AFF1: variants seen among roughly 807,000 people sequenced by gnomAD.
AFF1 encodes AF4/FMR2 family member 1.
A neutral mutation model predicts 121.7 loss-of-function variants in AFF1; 48 were observed. That is an observed-to-expected ratio of 0.39 (90% CI 0.31 to 0.50). AFF1 has a LOEUF of 0.50. AFF1 is among the 20% of genes least tolerant of loss of function. The pLI, the probability that AFF1 is intolerant of heterozygous loss-of-function variation, is 0.76. For missense variants in AFF1, 1,523 were observed against 1,511.7 expected (o/e 1.01, Z -0.12); for synonymous variants, 613 against 563.0 (o/e 1.09, Z -1.26).
At chr4:87,091,736 CTT>C (rs1560616106) in intron 6 of AFF1, 55 bp from the exon 7 acceptor site, 1 of 1,199,770 alleles carries the variant, frequency 8.3e-7, no homozygotes, top group East Asian at 2.6e-5. Flanking sequence ...ACGGTTTTCT[CTT>C]TAACTTTATA....
At chr4:87,070,941 A>G (rs917998652) in intron 4 of AFF1, among the ~76,000 whole-genome samples, 4 of 152,242 alleles carry the variant, frequency 2.6e-5, no homozygotes, top group Non-Finnish European at 5.9e-5. Context: ...GTTTAAGGTT[A>G]GCTATAGTGA....
At chr4:87,127,793 A>C in intron 16 of AFF1, 90 bp downstream of exon 16, 1 of 1,327,554 alleles carries the variant, frequency 7.5e-7, no homozygotes, top group Non-Finnish European at 1.1e-6. Flanking sequence ...ATTCCATATC[A>C]CTCAGCGTAT....
intron 2 of AFF1, among the ~76,000 whole-genome samples, chr4:87,006,097 A>G (rs544468099): frequency 6.6e-6 from 1 of 152,322 alleles, no homozygotes; most frequent in Admixed American, 6.5e-5. Flanking sequence ...GCCAGGCATT[A>G]ACATGTTTGT....
At chr4:86,953,438 T>A (rs952558961) in intron 2 of AFF1, among the ~76,000 whole-genome samples, 1 of 152,256 alleles carries the variant, frequency 6.6e-6, no homozygotes, top group African/African-American at 2.4e-5. Flanking sequence ...AATTGAAGTC[T>A]GAACGTGAAC....
At chr4:87,101,387 A>G (rs1485383986) in intron 8 of AFF1, among the ~76,000 whole-genome samples, 1 of 152,178 alleles carries the variant, frequency 6.6e-6, no homozygotes, top group Admixed American at 6.5e-5. Flanking sequence ...CAGCCTGTGC[A>G]TATAGTAAGA....
rs558218315 is a variant in AFF1, at chr4:87,047,561, C to T, written c.1026C>T (p.Leu342=). ...TDLKVPAKAK[L]TKLKMPSQSV... Reference sequence around the variant, plus strand: ...TGAAAGTGCCTGCCAAAGCCAAGCTCACCAAACTGAAGATGCCTTCTCAGT... The same window carrying T: ...TGAAAGTGCCTGCCAAAGCCAAGCTTACCAAACTGAAGATGCCTTCTCAGT... The change falls in exon 4 of 21, where the codon CTC becomes CTT. Residue 342 remains leucine (L), a synonymous_variant. Transcript: ENST00000395146. The T allele has an allele frequency of 6.8e-6, 11 of 1,614,186 alleles. No homozygotes were observed. The highest frequency in any genetic ancestry group is 9.3e-6 in the Non-Finnish European group (11 of 1,180,040).
intron 2 of AFF1, among the ~76,000 whole-genome samples, chr4:87,033,874 T>G (rs1240455495): frequency 6.6e-6 from 1 of 152,210 alleles, no homozygotes; most frequent in East Asian, 1.9e-4. Context: ...TGGATCTGTA[T>G]GTAGAGTTAG....
chr4:87,048,622 A>G (rs988855048), intron 4 of AFF1, among the ~76,000 whole-genome samples: 3 of 152,104 alleles, frequency 2.0e-5, no homozygotes, highest in African/African-American at 7.2e-5. Context: ...GAAATTCCTC[A>G]GGTGGGGGCG....
intron 20 of AFF1, among the ~76,000 whole-genome samples, 191 bp from the exon 21 acceptor site, chr4:87,135,389 A>G (rs1160533694): frequency 1.3e-5 from 2 of 152,216 alleles, no homozygotes; most frequent in African/African-American, 4.8e-5. Flanking sequence ...ATTCAGCTCT[A>G]AAGCAAACCT....
In AFF1 at chr4:87,140,343, TTGTGTGTG is replaced by T. The variant is rs562150754; in HGVS notation, c.*4646_*4653del. 7.1e-5 allele frequency: 14 copies of T among 198,472 alleles called. No homozygotes were observed. The highest frequency in any genetic ancestry group is 4.2e-4 in the Admixed American group (7 of 16,512). The allele number at this position is 198,472 out of a possible 1,614,324, so 12.3% of individuals were successfully genotyped here. ...CAAGTATACACTGTTCATGTTGGGG[TTGTGTGTG>T]TGTATGTGTGTATGTACGCACGCAT... On this transcript the variant is annotated 3_prime_UTR_variant, in exon 21 of 21. Coordinates refer to ENST00000395146, the MANE Select transcript of AFF1 (RefSeq NM_001166693.3).
intron 2 of AFF1, chr4:86,950,069 A>G (rs1422403635): frequency 1.9e-6 from 3 of 1,614,166 alleles, no homozygotes; most frequent in Admixed American, 1.7e-5. Context: ...GTAATAGGCC[A>G]TCCACGCGGC....
At chr4:86,936,854 G>C (rs1217213465) in intron 1 of AFF1, among the ~76,000 whole-genome samples, 1 of 152,186 alleles carries the variant, frequency 6.6e-6, no homozygotes, top group Non-Finnish European at 1.5e-5. Context: ...AAAGGAAAAT[G>C]ATCCAAGGGG....
intron 4 of AFF1, among the ~76,000 whole-genome samples, chr4:87,076,085 A>C (rs545379801): frequency 2.0e-5 from 3 of 152,268 alleles, no homozygotes; most frequent in African/African-American, 7.2e-5. Context: ...ATGTGATTGG[A>C]GAGTCAAGGG....
chr4:87,073,336 G>A (rs1425819280), intron 4 of AFF1, among the ~76,000 whole-genome samples: 3 of 132,234 alleles, frequency 2.3e-5, no homozygotes, highest in Admixed American at 8.3e-5. Context: ...GGATTTACTT[G>A]TTCAGAATTA....
chr4:87,130,535 G>A (rs7698770), intron 16 of AFF1, among the ~76,000 whole-genome samples: 3,083 of 152,320 alleles, frequency 0.02, 116 homozygotes, highest in African/African-American at 0.071. Context: ...ACTCTGAAAT[G>A]TTACCCCTGT....
intron 2 of AFF1, among the ~76,000 whole-genome samples, chr4:86,955,210 A>G (rs1721653295): frequency 1.3e-5 from 2 of 152,200 alleles, no homozygotes; most frequent in South Asian, 4.1e-4. Flanking sequence ...AGCATTATTT[A>G]CATTGTTTTG....
At chr4:86,941,488 G>A (rs1398360325) in intron 1 of AFF1, among the ~76,000 whole-genome samples, 7 of 152,084 alleles carry the variant, frequency 4.6e-5, no homozygotes, top group South Asian at 2.1e-4. Context: ...ATGAAACCCC[G>A]TCTCTACTAA....
intron 1 of AFF1, among the ~76,000 whole-genome samples, chr4:86,939,349 G>A (rs1228955167): frequency 6.6e-6 from 1 of 152,212 alleles, no homozygotes; most frequent in Admixed American, 6.5e-5. Flanking sequence ...CTATGTTGAT[G>A]TGTGGTTTCC....
intron 4 of AFF1, among the ~76,000 whole-genome samples, chr4:87,072,226 G>A (rs1177240078): frequency 1.3e-5 from 2 of 151,928 alleles, no homozygotes; most frequent in African/African-American, 4.8e-5. Flanking sequence ...AGCTGGGCCT[G>A]GTGGCGGGCG....
Sources: allele counts gnomAD v4.1 joint callset (sites outside exome capture counted in the v4.1 genomes callset), GRCh38; gene constraint gnomAD v4.1.1; transcripts MANE v1.5; gene names NCBI Gene and HGNC (gene_info 2026-07-23, HGNC 2026-07-21).